Variants in YEATS2 observed in about 807,000 individuals in gnomAD.
YEATS2 encodes the protein YEATS domain-containing protein 2.
YEATS2 carries 77 observed loss-of-function variants against 163.2 expected under a neutral mutation model. The observed-to-expected ratio is 0.47, with a 90% confidence interval of 0.39 to 0.57. The LOEUF is 0.57. Ranked by LOEUF, YEATS2 falls within the 20% of genes least tolerant of loss-of-function variation. The pLI, the probability that YEATS2 is intolerant of heterozygous loss-of-function variation, is 0.00. For missense variants in YEATS2, 1,549 were observed against 1,729.8 expected (o/e 0.90, Z 1.85); for synonymous variants, 631 against 645.1 (o/e 0.98, Z 0.33).
rs113803851 is a variant in YEATS2 at position 183,796,218 on chromosome 3, G to A, written c.3098-1705G>A. Among the ~76,000 whole-genome samples the A allele has an allele frequency of 4.9e-5, 7 of 142,448 alleles. No individual in the cohort carries two copies. The East Asian group carries it at 8.2e-4, about 17-fold the overall frequency. 93.5% of individuals were successfully genotyped at this position (142,448 alleles called of 152,430 possible). A position where few individuals can be genotyped will look rare whatever the true frequency, so the allele number is the denominator to read the frequency against. On this transcript the variant is annotated intron_variant, in intron 21 of 30. Coordinates refer to ENST00000305135, the MANE Select transcript of YEATS2 (RefSeq NM_018023.5). Reference sequence around the variant, plus strand: ...TCACCATGTTGGCCAGGCTGGTCTCGAACTCCTGACCGCAGGTGATCCACC... The same window carrying A: ...TCACCATGTTGGCCAGGCTGGTCTCAAACTCCTGACCGCAGGTGATCCACC...
chr3:183,747,651 C>T (rs768318022), intron 8 of YEATS2, 21 bp from the exon 9 acceptor site: 1 of 1,606,352 alleles, frequency 6.2e-7, no homozygotes, highest in East Asian at 2.2e-5. Flanking sequence ...ATTTAACACT[C>T]TCCCTTTTGT....
rs1721719206 is a variant in YEATS2 at position 183,764,648 on chromosome 3, A to C, written c.1947+2369A>C. 2.0e-5 allele frequency among the ~76,000 whole-genome samples: 3 copies of C among 152,104 alleles called. No homozygotes were observed. In the East Asian group the frequency reaches 5.8e-4, roughly 30 times the overall value. ...TAGTGAAACCCCGTCTATACTAAAA[A>C]TACAAAAAATTATTTGGGCGTGGTG... On this transcript the variant is annotated intron_variant, in intron 15 of 30. Transcript: ENST00000305135.
chr3:183,747,655 C>T lies in YEATS2; in HGVS notation c.925-17C>T, dbSNP rs1213512753. 1.2e-6 allele frequency: 2 copies of T among 1,609,386 alleles called. No homozygotes were observed. Among genetic ancestry groups the T allele is most frequent in the Admixed American group, 1.7e-5 (1 of 59,924 alleles). On this transcript the variant is annotated splice_polypyrimidine_tract_variant and intron_variant, in intron 8 of 30. Transcript: ENST00000305135. ...AGTGCAGTGAAATTTAACACTCTCC[C>T]TTTTGTCTTTCCATAGCTGGATAGA...
chr3:183,735,327 T>G (rs1459990000), intron 7 of YEATS2, among the ~76,000 whole-genome samples: 1 of 152,212 alleles, frequency 6.6e-6, no homozygotes, highest in Non-Finnish European at 1.5e-5. Flanking sequence ...CTCCACTGTA[T>G]CTCTGGCTGT....
rs1453658236 is a variant in YEATS2, at chr3:183,810,432, TGA to T, written c.4161-38_4161-37del. On this transcript the variant is annotated intron_variant, in intron 30 of 30. Transcript: ENST00000305135. The stretch of plus-strand genomic sequence containing the variant: ...AAGTGAATAAATGATGAGATATACG[TGA>T]GAGAATTTCACCTGGTAACACCCTT... 2.0e-6 allele frequency: 3 copies of T among 1,529,786 alleles called. No individual in the cohort carries two copies. The Admixed American group carries it at 5.0e-5, about 26-fold the overall frequency. The allele number at this position is 1,529,786 out of a possible 1,614,324, so 94.8% of individuals were successfully genotyped here.
intron 1 of YEATS2, among the ~76,000 whole-genome samples, chr3:183,711,821 T>G (rs1037068378): frequency 4.0e-5 from 6 of 151,686 alleles, no homozygotes; most frequent in Admixed American, 1.3e-4. Flanking sequence ...TGTGTTTTTT[T>G]TTTTTCTTTG....
rs148088310 is a variant in YEATS2 at position 183,770,448 on chromosome 3, C to T, written c.1948-1857C>T. Among the ~76,000 whole-genome samples the T allele has an allele frequency of 1.9e-3, 283 of 152,252 alleles. 1 individual carries two copies. The highest frequency in any genetic ancestry group is 6.4e-3 in the African/African-American group (267 of 41,532). Reference sequence around the variant, plus strand: ...GAATATGCTTTATCATTTCATTCTACCTTCTAAATAATCTTATTTTAAAAT... The same window carrying T: ...GAATATGCTTTATCATTTCATTCTATCTTCTAAATAATCTTATTTTAAAAT... On this transcript the variant is annotated intron_variant, in intron 15 of 30. Coordinates refer to ENST00000305135, the MANE Select transcript of YEATS2 (RefSeq NM_018023.5).
intron 1 of YEATS2, among the ~76,000 whole-genome samples, chr3:183,712,617 T>C (rs1235731395): frequency 3.3e-5 from 5 of 152,176 alleles, no homozygotes; most frequent in African/African-American, 1.2e-4. Flanking sequence ...TATTCTGGTC[T>C]CTTTCATAGA....
intron 19 of YEATS2, among the ~76,000 whole-genome samples, chr3:183,780,029 T>C (rs1455189488): frequency 6.6e-6 from 1 of 150,904 alleles, no homozygotes; most frequent in Non-Finnish European, 1.5e-5. Flanking sequence ...TAATTTTTTA[T>C]CTTTCTGACT....
At chr3:183,775,779 A>G (rs1487442621) in intron 17 of YEATS2, 136 bp from the exon 18 acceptor site, 46 of 1,350,762 alleles carry the variant, frequency 3.4e-5, no homozygotes, top group Non-Finnish European at 4.7e-5. Context: ...GGTAGATTAC[A>G]GAAAAGACGG....
intron 2 of YEATS2, among the ~76,000 whole-genome samples, 174 bp downstream of exon 2, chr3:183,715,436 G>A (rs1409879885): frequency 6.6e-6 from 1 of 152,178 alleles, no homozygotes; most frequent in Non-Finnish European, 1.5e-5. Context: ...GCTGTAAAAA[G>A]TGGAAGAAGA....
chr3:183,720,684 C>T (rs944491846), intron 4 of YEATS2, among the ~76,000 whole-genome samples: 1 of 152,098 alleles, frequency 6.6e-6, no homozygotes, highest in African/African-American at 2.4e-5. Flanking sequence ...TATTCATTTT[C>T]CTAGGGCTAC....
rs371268739 is a variant in YEATS2, at chr3:183,730,428, C to T, written c.812+1577C>T. On this transcript the variant is annotated intron_variant, in intron 7 of 30. Transcript: ENST00000305135. The stretch of plus-strand genomic sequence containing the variant: ...GGTTATTATCAGTGAAATCTCTATT[C>T]TCTGCTCTGTTCAGAGCCTTTCTTC... Among the ~76,000 whole-genome samples the T allele has an allele frequency of 1.2e-4, 18 of 152,204 alleles. 1 individual carries two copies. Among genetic ancestry groups the T allele is most frequent in the Admixed American group, 5.2e-4 (8 of 15,278 alleles).
At chr3:183,786,329 C>A in intron 20 of YEATS2, 28 bp downstream of exon 20, 1 of 1,578,230 alleles carries the variant, frequency 6.3e-7, no homozygotes, top group South Asian at 1.1e-5. Context: ...AGTAGAGAAT[C>A]CTAATGAGAC....
chr3:183,702,302 G>A (rs557678600), intron 1 of YEATS2, among the ~76,000 whole-genome samples: 20 of 151,816 alleles, frequency 1.3e-4, no homozygotes, highest in Non-Finnish European at 2.4e-4. Flanking sequence ...AAAATGAGCC[G>A]GGTGTGGTGG....
intron 7 of YEATS2, among the ~76,000 whole-genome samples, chr3:183,733,581 T>G (rs1440216126): frequency 1.3e-5 from 2 of 152,350 alleles, no homozygotes; most frequent in African/African-American, 4.8e-5. Context: ...GCAGGACTCT[T>G]AAGATGTTTG....
chr3:183,761,659 T>C (rs1224199912), intron 14 of YEATS2, 45 bp downstream of exon 14: 35 of 1,577,050 alleles, frequency 2.2e-5, no homozygotes, highest in Non-Finnish European at 3.0e-5. Flanking sequence ...TAATACTTTT[T>C]GTGGCATGTT....
intron 15 of YEATS2, 92 bp downstream of exon 15, chr3:183,762,371 G>C: frequency 7.0e-7 from 1 of 1,438,270 alleles, no homozygotes; most frequent in Non-Finnish European, 9.3e-7. Context: ...ACGGTGACAG[G>C]GTTGATGATC....
In YEATS2 at chr3:183,751,933, G is replaced by GT. The variant is rs1384218834; in HGVS notation, c.970-138dup. ...ATTACCTTCTAGAATAAATCCTTTA[G>GT]TTCTTCAGATTGAAATTGCCTTTGA... On this transcript the variant is annotated intron_variant, in intron 9 of 30. Coordinates refer to ENST00000305135, the MANE Select transcript of YEATS2 (RefSeq NM_018023.5). The GT allele has an allele frequency of 5.7e-6, 5 of 876,632 alleles. No homozygotes were observed. In the East Asian group the frequency reaches 1.2e-4, roughly 21 times the overall value. 54.3% of individuals were successfully genotyped at this position (876,632 alleles called of 1,614,324 possible). A position where few individuals can be genotyped will look rare whatever the true frequency, so the allele number is the denominator to read the frequency against.
Sources: gnomAD v4.1 joint callset for allele counts (sites outside exome capture counted in the v4.1 genomes callset) on GRCh38, gnomAD v4.1.1 for gene constraint, MANE v1.5 for transcripts, NCBI Gene and HGNC (gene_info 2026-07-23, HGNC 2026-07-21) for gene names.